Variants in ICA1L observed in about 807,000 individuals in gnomAD.
ICA1L encodes the protein islet cell autoantigen 1-like protein.
A neutral mutation model predicts 61.3 loss-of-function variants in ICA1L; 50 were observed. That is an observed-to-expected ratio of 0.82 (90% CI 0.65 to 1.03). The LOEUF (loss-of-function observed/expected upper bound fraction) is 1.03. ICA1L is among the 50% of genes least tolerant of loss of function. ICA1L has a pLI of 0.00. For synonymous variants in ICA1L, 161 were observed against 191.3 expected, an observed-to-expected ratio of 0.84 and a Z score of 1.31; for missense variants, 508 against 556.7, an observed-to-expected ratio of 0.91 and a Z score of 0.88.
At chr2:202,795,077 T>C (rs984210794) in intron 10 of ICA1L, among the ~76,000 whole-genome samples, 1 of 120,042 alleles carries the variant, frequency 8.3e-6, no homozygotes, top group African/African-American at 2.8e-5. Context: ...CCTTTTCTTT[T>C]TTTTTTTTTT....
intron 12 of ICA1L, among the ~76,000 whole-genome samples, chr2:202,782,286 A>G (rs1415458662): frequency 6.6e-6 from 1 of 152,202 alleles, no homozygotes; most frequent in Non-Finnish European, 1.5e-5. Flanking sequence ...CGGAGGTTAC[A>G]GTGAGCCAAG....
chr2:202,811,659 C>CA (rs35916411), intron 9 of ICA1L, 87 bp downstream of exon 9: 93,989 of 477,660 alleles, frequency 0.2, 3,787 homozygotes, highest in East Asian at 0.29. Flanking sequence ...AAGACTGTCT[C>CA]AAAAAAAAAA....
At chr2:202,843,956 A>G (rs1337526794) in intron 1 of ICA1L, among the ~76,000 whole-genome samples, 1 of 152,210 alleles carries the variant, frequency 6.6e-6, no homozygotes, top group African/African-American at 2.4e-5. Flanking sequence ...CTACCTTATC[A>G]GAAGCAATGA....
At chr2:202,817,780 G>C (rs997954060) in intron 5 of ICA1L, among the ~76,000 whole-genome samples, 6 of 152,130 alleles carry the variant, frequency 3.9e-5, no homozygotes, top group African/African-American at 1.4e-4. Flanking sequence ...GAAAGTATGA[G>C]ATAATAGATG....
chr2:202,832,249 C>T (rs1222050632), intron 1 of ICA1L, among the ~76,000 whole-genome samples: 1 of 152,012 alleles, frequency 6.6e-6, no homozygotes, highest in Non-Finnish European at 1.5e-5. Context: ...TCAAAAAACA[C>T]TAGACATATA....
intron 12 of ICA1L, among the ~76,000 whole-genome samples, chr2:202,781,289 A>G (rs1412958560): frequency 6.6e-6 from 1 of 152,040 alleles, no homozygotes; most frequent in Non-Finnish European, 1.5e-5. Context: ...GAAGTAGAAC[A>G]TGGCTGGGTA....
At chr2:202,786,647 A>G in intron 11 of ICA1L, 3 of 417,778 alleles carry the variant, frequency 7.2e-6, no homozygotes, top group Non-Finnish European at 1.4e-5. Context: ...TGATAATTGG[A>G]ATGCTGAAAC....
At position 202,820,021 on chromosome 2, in the gene ICA1L, A is replaced by G. The variant is rs553335940; in HGVS notation, c.360-122T>C. ...TGAATCTACAAGTAAAAAATTATTC[A>G]GTTCCTAAGGAGATTTTGAAAGCAA... On this transcript the variant is annotated intron_variant, in intron 4 of 12. Coordinates refer to ENST00000358299, the MANE Select transcript of ICA1L (RefSeq NM_001288622.3). 44 of 728,130 alleles carry G rather than the reference A, an allele frequency of 6.0e-5. No homozygotes were observed. The South Asian group carries it at 7.7e-4, about 13-fold the overall frequency. 45.1% of individuals were successfully genotyped at this position (728,130 alleles called of 1,614,324 possible).
In ICA1L at chr2:202,834,295, T is replaced by C. The variant is rs141927741; in HGVS notation, c.-7-5279A>G. Among the ~76,000 whole-genome samples the C allele has an allele frequency of 1.2e-3, 190 of 152,184 alleles. 1 individual carries two copies. Among genetic ancestry groups the C allele is most frequent in the Non-Finnish European group, 2.2e-3 (153 of 68,006 alleles). ...GTTAAATGTCCTGGTAAATATAAGA[T>C]TATTGTTTCTTTCTTAATTTCTTCA... On this transcript the variant is annotated intron_variant, in intron 1 of 12. Coordinates refer to ENST00000358299, the MANE Select transcript of ICA1L (RefSeq NM_001288622.3).
chr2:202,803,302 G>GAAT (rs1693135830), intron 9 of ICA1L, among the ~76,000 whole-genome samples: 1 of 149,406 alleles, frequency 6.7e-6, no homozygotes, highest in Admixed American at 6.8e-5. Context: ...TCAGGAGGCC[G>GAAT]AAGCAGGAGA....
intron 12 of ICA1L, among the ~76,000 whole-genome samples, chr2:202,782,180 T>A (rs1312554098): frequency 6.6e-6 from 1 of 151,862 alleles, no homozygotes; most frequent in Non-Finnish European, 1.5e-5. Context: ...AACCCGTCCC[T>A]ACCAAAAAAT....
intron 9 of ICA1L, among the ~76,000 whole-genome samples, chr2:202,798,716 C>T (rs1693007323): frequency 6.6e-6 from 1 of 151,766 alleles, no homozygotes; most frequent in Admixed American, 6.6e-5. Context: ...TTGATACATT[C>T]CTTCTATTTC....
intron 3 of ICA1L, chr2:202,825,314 A>C (rs961834396): frequency 5.8e-6 from 1 of 173,722 alleles, no homozygotes; most frequent in African/African-American, 2.4e-5. Flanking sequence ...ACAAAAAAAT[A>C]CAAAAATTAT....
At chr2:202,834,916 A>C (rs978210671) in intron 1 of ICA1L, among the ~76,000 whole-genome samples, 1 of 152,042 alleles carries the variant, frequency 6.6e-6, no homozygotes, top group African/African-American at 2.4e-5. Flanking sequence ...CTGCAGTCTC[A>C]AACTCCTGGG....
intron 10 of ICA1L, among the ~76,000 whole-genome samples, chr2:202,794,750 C>T (rs1196682838): frequency 6.6e-6 from 1 of 151,584 alleles, no homozygotes; most frequent in African/African-American, 2.4e-5. Context: ...CAATAGCAAC[C>T]AGAAAGATAA....
At chr2:202,828,789 C>A in intron 2 of ICA1L, 59 bp downstream of exon 2, 1 of 1,388,192 alleles carries the variant, frequency 7.2e-7, no homozygotes, top group East Asian at 2.3e-5. Context: ...TGTTGCAGTT[C>A]CCCTTGGAGC....
intron 1 of ICA1L, among the ~76,000 whole-genome samples, chr2:202,856,204 G>C (rs1694767123): frequency 6.6e-6 from 1 of 152,020 alleles, no homozygotes; most frequent in Admixed American, 6.6e-5. Context: ...CAATATCCCT[G>C]ATGAATATCG....
At chr2:202,790,155 T>C (rs891643833) in intron 10 of ICA1L, among the ~76,000 whole-genome samples, 1 of 120,642 alleles carries the variant, frequency 8.3e-6, no homozygotes, top group African/African-American at 2.7e-5. Flanking sequence ...TAAAAGCCAA[T>C]TGAGGTCTTT....
At chr2:202,847,272 G>A (rs1192066258) in intron 1 of ICA1L, among the ~76,000 whole-genome samples, 1 of 152,130 alleles carries the variant, frequency 6.6e-6, no homozygotes, top group East Asian at 1.9e-4. Flanking sequence ...AAGCAGTTTT[G>A]CCCCAGAAAA....
Sources: gnomAD v4.1 joint callset for allele counts (sites outside exome capture counted in the v4.1 genomes callset) on GRCh38, gnomAD v4.1.1 for gene constraint, MANE v1.5 for transcripts, NCBI Gene and HGNC (gene_info 2026-07-23, HGNC 2026-07-21) for gene names.